GLS: variants seen among roughly 807,000 people sequenced by gnomAD.
The protein encoded by GLS is glutaminase.
In GLS, 36 loss-of-function variants were observed where a neutral mutation model predicts 86.7. The observed-to-expected ratio is 0.42, with a 90% CI of 0.32 to 0.55. The LOEUF is 0.55. Among genes scored for constraint, GLS ranks in the 20% least tolerant of loss-of-function variants. GLS has a pLI of 0.17. For missense variants in GLS, 528 were observed against 833.4 expected (o/e 0.63, Z 4.51); for synonymous variants, 317 against 305.9 (o/e 1.04, Z -0.38).
chr2:190,939,584 A>T (rs1044656679), intron 14 of GLS, among the ~76,000 whole-genome samples: 1 of 151,796 alleles, frequency 6.6e-6, no homozygotes, highest in South Asian at 2.1e-4. Flanking sequence ...TATGATAATC[A>T]GTCTCTTGCT....
In GLS at chr2:190,953,058, T is replaced by G. The variant is rs1410266486; in HGVS notation, c.1651-507T>G. Among the ~76,000 whole-genome samples the G allele has an allele frequency of 6.6e-6, 1 of 152,170 alleles. No homozygotes were observed. The highest frequency in any genetic ancestry group is 1.5e-5 in the Non-Finnish European group (1 of 68,026). ...ATTGAACTGAAGGCTGTCTTTCCAGTGAAGTAAAGTTTAAGATGACAGTTA... is the reference window on the plus strand; with the variant it reads ...ATTGAACTGAAGGCTGTCTTTCCAGGGAAGTAAAGTTTAAGATGACAGTTA... On this transcript the variant is annotated intron_variant, in intron 14 of 17. Transcript: ENST00000320717. The surrounding 1 kb of genome is among the most constrained non-coding windows in gnomAD (Gnocchi z 4.0).
chr2:190,962,767 G>A lies in GLS; in HGVS notation c.1854-63G>A. The A allele has an allele frequency of 9.4e-7, 1 of 1,063,248 alleles. No individual in the cohort carries two copies. The highest frequency in any genetic ancestry group is 1.3e-6 in the Non-Finnish European group (1 of 785,414). The allele number at this position is 1,063,248 out of a possible 1,614,324, so 65.9% of individuals were successfully genotyped here. On this transcript the variant is annotated intron_variant, in intron 17 of 17. Transcript: ENST00000320717. The surrounding 1 kb of genome is among the most constrained non-coding windows in gnomAD (Gnocchi z 4.2). The stretch of plus-strand genomic sequence containing the variant: ...ACCTGCATTTAAAATCTAGGAATGT[G>A]GGGTGATCATCTTTGTACATAAATT...
intron 6 of GLS, among the ~76,000 whole-genome samples, chr2:190,906,843 A>C (rs1689154985): frequency 6.6e-6 from 1 of 152,094 alleles, no homozygotes; most frequent in Admixed American, 6.5e-5. Flanking sequence ...TTTTTAAAAA[A>C]TAAATATATT....
chr2:190,902,846 G>GT (rs1227313644), intron 5 of GLS, among the ~76,000 whole-genome samples: 1 of 151,580 alleles, frequency 6.6e-6, no homozygotes, highest in Non-Finnish European at 1.5e-5. Context: ...TTTGTTTTTT[G>GT]TTTTTTTATT....
chr2:190,959,615 T>C (rs1277048698), intron 17 of GLS, among the ~76,000 whole-genome samples: 1 of 152,180 alleles, frequency 6.6e-6, no homozygotes, highest in African/African-American at 2.4e-5. Context: ...TAGAGAAGCA[T>C]AAACTTTAAG....
At chr2:190,934,531 A>G (rs1690210821) in intron 14 of GLS, 2 of 983,806 alleles carry the variant, frequency 2.0e-6, no homozygotes, top group South Asian at 4.7e-5. Context: ...TTTGTGTTGC[A>G]TATTTATGTT....
chr2:190,883,064 T>C (rs1051378132), intron 1 of GLS, among the ~76,000 whole-genome samples: 1 of 152,242 alleles, frequency 6.6e-6, no homozygotes, highest in African/African-American at 2.4e-5. Context: ...TGTCTTCAGG[T>C]CTGTGTCTCT....
In GLS at chr2:190,920,797, TAA is replaced by T. The variant is rs1218306905; in HGVS notation, c.1039-224_1039-223del. Among the ~76,000 whole-genome samples the T allele has an allele frequency of 6.6e-6, 1 of 151,722 alleles. No homozygotes were observed. Among genetic ancestry groups the T allele is most frequent in the Non-Finnish European group, 1.5e-5 (1 of 67,726 alleles). On this transcript the variant is annotated intron_variant, in intron 7 of 17. Transcript: ENST00000320717. The surrounding 1 kb of genome is among the most constrained non-coding windows in gnomAD (Gnocchi z 4.2). ...ACTTTGGGTTGGGTAAAGATATACT[TAA>T]AATAAAGCATTCCCTTTGTAATTCT...
intron 6 of GLS, 116 bp from the exon 7 acceptor site, chr2:190,910,147 G>GA (rs1461177223): frequency 3.2e-6 from 2 of 629,614 alleles, no homozygotes; most frequent in African/African-American, 3.8e-5. Flanking sequence ...AAAGCACTAA[G>GA]AAAAAAGCAA....
chr2:190,908,781 A>G (rs1244627851), intron 6 of GLS, among the ~76,000 whole-genome samples: 3 of 152,240 alleles, frequency 2.0e-5, no homozygotes, highest in South Asian at 2.1e-4. Flanking sequence ...TTTTGAGCCA[A>G]AGGCAGAATG....
At chr2:190,944,321 A>G (rs995947711) in intron 14 of GLS, among the ~76,000 whole-genome samples, 2 of 152,076 alleles carry the variant, frequency 1.3e-5, no homozygotes, top group African/African-American at 4.8e-5. Flanking sequence ...GCACTTTATC[A>G]TTCCAGAAAT....
chr2:190,904,547 A>G (rs1689065396), intron 5 of GLS, among the ~76,000 whole-genome samples: 1 of 152,152 alleles, frequency 6.6e-6, no homozygotes, highest in Non-Finnish European at 1.5e-5. Context: ...CATGGATTCC[A>G]CCAACCACAG....
Position 190,881,428 on chromosome 2 carries a change from T to C in GLS, c.344T>C (p.Phe115Ser), listed in dbSNP as rs1427456087. Residue 115 changes from phenylalanine to serine, a missense_variant, in exon 1 of 18, where the codon TTT becomes TCT. Physicochemically the swap from Phe to Ser is radical, Grantham distance 155. Around this residue, in one of 4 missense-constraint regions of GLS, gnomAD observed 224 missense variants for 187.9 expected, o/e 1.19. Coordinates refer to ENST00000320717, the MANE Select transcript of GLS (RefSeq NM_014905.5). ...PKDGPGETDAFGNSEGKELVA... is the reference protein window; with the variant it reads ...PKDGPGETDASGNSEGKELVA... ...GACGGCCCCGGGGAGACGGACGCGT[T>C]TGGCAACAGCGAGGGCAAAGAGCTG... 29 of 1,545,570 alleles carry C rather than the reference T, an allele frequency of 1.9e-5. No homozygotes were observed. In the East Asian group the frequency reaches 7.2e-4, roughly 38 times the overall value.
intron 7 of GLS, among the ~76,000 whole-genome samples, chr2:190,918,347 G>A (rs1689612432): frequency 6.6e-6 from 1 of 152,104 alleles, no homozygotes; most frequent in South Asian, 2.1e-4. Context: ...TTTATGTTAT[G>A]GAGACGGCTT....
At chr2:190,934,743 T>G in intron 14 of GLS, 1 of 972,658 alleles carries the variant, frequency 1.0e-6, no homozygotes, top group African/African-American at 1.8e-5. Flanking sequence ...TTTGTGTCAC[T>G]TACTATTTTT....
chr2:190,918,066 C>G (rs1012849969), intron 7 of GLS, among the ~76,000 whole-genome samples: 1 of 152,116 alleles, frequency 6.6e-6, no homozygotes, highest in African/African-American at 2.4e-5. Context: ...CTTAAGGACT[C>G]TAGGGTTTTT....
In GLS at chr2:190,935,829, T is replaced by C. The variant is rs1452363204; in HGVS notation, c.1650+4192T>C. ...GATACAGAAATTCACCTTAACTGGT[T>C]TCTGAGGGGATTACATTTTCAGAAG... is the stretch of plus-strand genomic sequence containing the variant. On this transcript the variant is annotated intron_variant, in intron 14 of 17. Transcript: ENST00000320717. The surrounding 1 kb of genome is among the most constrained non-coding windows in gnomAD (Gnocchi z 4.2). Among the ~76,000 whole-genome samples, 2 of 151,226 alleles carry C rather than the reference T, an allele frequency of 1.3e-5. No homozygotes were observed. Among genetic ancestry groups the C allele is most frequent in the Non-Finnish European group, 3.0e-5 (2 of 67,258 alleles).
chr2:190,929,235 C>T (rs1690017642), intron 12 of GLS, among the ~76,000 whole-genome samples: 1 of 150,826 alleles, frequency 6.6e-6, no homozygotes, highest in Non-Finnish European at 1.5e-5. Context: ...TTTAAATTAC[C>T]ATTTTAGAAA....
chr2:190,961,302 A>G (rs1416923995), intron 17 of GLS, among the ~76,000 whole-genome samples: 1 of 152,120 alleles, frequency 6.6e-6, no homozygotes, highest in African/African-American at 2.4e-5. Flanking sequence ...GGTTCAGGCA[A>G]TTCTCCTGCC....
Sources: allele counts gnomAD v4.1 joint callset (sites outside exome capture counted in the v4.1 genomes callset), GRCh38; gene constraint gnomAD v4.1.1; regional missense constraint gnomAD v4.1.1; non-coding constraint Gnocchi (gnomAD v3.1); transcripts MANE v1.5; gene names NCBI Gene and HGNC (gene_info 2026-07-23, HGNC 2026-07-21).